Variants in LRBA observed in about 807,000 individuals in gnomAD.
LRBA encodes LPS responsive beige-like anchor protein, also known as lipopolysaccharide-responsive and beige-like anchor protein.
Under a neutral mutation model 330.0 loss-of-function variants are expected in LRBA, and 176 were observed. That is an observed-to-expected ratio of 0.53 (90% confidence interval 0.47 to 0.60). LRBA has a LOEUF of 0.60. LRBA is among the 20% of genes least tolerant of loss of function. The pLI is 0.00. For synonymous variants in LRBA, 1,230 were observed against 1,193.0 expected (o/e 1.03, Z -0.64); for missense variants, 3,259 against 3,444.8 (o/e 0.95, Z 1.35).
At chr4:150,719,512 A>G (rs1278601007) in intron 36 of LRBA, among the ~76,000 whole-genome samples, 1 of 152,136 alleles carries the variant, frequency 6.6e-6, no homozygotes, top group African/African-American at 2.4e-5. Context: ...ACAAAAAATA[A>G]TTTTTAAAAA....
chr4:150,868,065 T>TA (rs567360390), intron 21 of LRBA, 117 bp downstream of exon 21: 54 of 1,132,296 alleles, frequency 4.8e-5, no homozygotes, highest in South Asian at 1.4e-4. Flanking sequence ...ATACTCTTAA[T>TA]AAAAAAAATA....
intron 2 of LRBA, among the ~76,000 whole-genome samples, chr4:150,988,001 CAAA>C (rs545392419): frequency 4.1e-4 from 28 of 68,560 alleles, no homozygotes; most frequent in African/African-American, 1.5e-3. Flanking sequence ...GACTCCGTCT[CAAA>C]AAAAAAAAAA....
chr4:150,567,640 G>T (rs1769305476), intron 40 of LRBA, among the ~76,000 whole-genome samples: 1 of 152,148 alleles, frequency 6.6e-6, no homozygotes, highest in Non-Finnish European at 1.5e-5. Context: ...CAATTAAAGT[G>T]CTTAGCATAG....
chr4:150,417,728 T>G lies in LRBA; in HGVS notation c.7042-2138A>C, dbSNP rs375609539. ...AATTTGAGAGATGCATCATTTCCAT[T>G]GTAAATTAGAGATGCATAATAAAAT... On this transcript the variant is annotated intron_variant, in intron 46 of 56. Transcript: ENST00000651943. Among the ~76,000 whole-genome samples the G allele has an allele frequency of 1.1e-4, 17 of 152,262 alleles. No individual in the cohort carries two copies. The East Asian group carries it at 1.9e-3, about 17-fold the overall frequency.
intron 40 of LRBA, among the ~76,000 whole-genome samples, chr4:150,544,453 G>C (rs1044650114): frequency 6.6e-6 from 1 of 152,000 alleles, no homozygotes; most frequent in African/African-American, 2.4e-5. Flanking sequence ...TTTACCCTAA[G>C]CCTGGAATAC....
rs760964920 is a variant in LRBA, at chr4:150,436,750, A to G, written c.6895T>C (p.Phe2299Leu). The change falls in exon 45 of 57, where the codon TTT becomes CTT. Residue 2299 changes from phenylalanine to leucine, a missense_variant. By Grantham distance (22) the Phe-to-Leu change is conservative (BLOSUM62 0). Coordinates refer to ENST00000651943, the MANE Select transcript of LRBA (RefSeq NM_001364905.1). ...HYGTHYSTAS[F>L]VLAWLLRIEP... ...ATTCTTAGCAGCCATGCAAGAACAA[A>G]ACTTGCAGTTGAGTAATGAGTACCA... The G allele has an allele frequency of 1.4e-5, 23 of 1,612,770 alleles. No homozygotes were observed. Among genetic ancestry groups the G allele is most frequent in the Non-Finnish European group, 1.9e-5 (22 of 1,179,222 alleles).
chr4:150,841,037 T>C (rs139503003), intron 28 of LRBA: 8 of 1,208,178 alleles, frequency 6.6e-6, no homozygotes, highest in Non-Finnish European at 8.6e-6. Context: ...CAGGTTCATA[T>C]GTAATGACTT....
chr4:151,011,118 C>T (rs893040855), intron 2 of LRBA, among the ~76,000 whole-genome samples: 4 of 151,054 alleles, frequency 2.6e-5, no homozygotes, highest in African/African-American at 7.3e-5. Flanking sequence ...ACCCAGGAGG[C>T]GGAGCTTGCA....
At chr4:150,906,894 C>T (rs1225041291) in intron 11 of LRBA, among the ~76,000 whole-genome samples, 2 of 151,906 alleles carry the variant, frequency 1.3e-5, no homozygotes, top group African/African-American at 4.8e-5. Flanking sequence ...GAGCAGAGGG[C>T]ACATGAAGAG....
chr4:150,489,203 ATATT>A (rs1307698840), intron 41 of LRBA, among the ~76,000 whole-genome samples: 6 of 111,864 alleles, frequency 5.4e-5, no homozygotes, highest in African/African-American at 2.3e-4. Flanking sequence ...ATATAAGTAT[ATATT>A]ATATATACGA....
chr4:150,844,713 T>C lies in LRBA; in HGVS notation c.4406A>G (p.Asp1469Gly). Reference protein sequence around the residue: ...QQHSQLKTRGDKALKPMHSLI... With the variant: ...QQHSQLKTRGGKALKPMHSLI... Reference sequence around the variant, plus strand: ...GCTATGCATTGGTTTCAAGGCTTTATCTCCCCTAGTTTTCAGTTGTGAATG... The same window carrying C: ...GCTATGCATTGGTTTCAAGGCTTTACCTCCCCTAGTTTTCAGTTGTGAATG... Residue 1469 changes from aspartate to glycine, a missense_variant, in exon 27 of 57, where the codon GAT (aspartate) becomes GGT (glycine). Transcript: ENST00000651943. 6.2e-7 allele frequency: 1 copy of C among 1,613,262 alleles called. No homozygotes were observed. The highest frequency in any genetic ancestry group is 2.2e-5 in the East Asian group (1 of 44,842).
chr4:150,900,742 T>C (rs987873121), intron 13 of LRBA, among the ~76,000 whole-genome samples: 1 of 152,120 alleles, frequency 6.6e-6, no homozygotes, highest in East Asian at 1.9e-4. Flanking sequence ...CCTTGAAGAA[T>C]ATTAGAAAAA....
At chr4:150,388,242 T>A (rs1309390072) in intron 47 of LRBA, among the ~76,000 whole-genome samples, 2 of 152,214 alleles carry the variant, frequency 1.3e-5, no homozygotes, top group Admixed American at 1.3e-4. Context: ...TTAACCTTAA[T>A]CACTTCCTTA....
intron 39 of LRBA, among the ~76,000 whole-genome samples, chr4:150,589,667 C>T (rs1276673382): frequency 6.6e-6 from 1 of 152,182 alleles, no homozygotes; most frequent in Non-Finnish European, 1.5e-5. Flanking sequence ...TCATTTCTAA[C>T]CCACACCACT....
chr4:150,407,609 T>TA (rs1746382307), intron 47 of LRBA, among the ~76,000 whole-genome samples: 1 of 152,202 alleles, frequency 6.6e-6, no homozygotes, highest in African/African-American at 2.4e-5. Context: ...AGAATTCTCC[T>TA]ATATAGACCC....
chr4:150,389,027 A>T (rs1743489270), intron 47 of LRBA, among the ~76,000 whole-genome samples: 1 of 152,204 alleles, frequency 6.6e-6, no homozygotes, highest in South Asian at 2.1e-4. Flanking sequence ...ATGAAGAAAT[A>T]TAAAAACTAT....
intron 34 of LRBA, among the ~76,000 whole-genome samples, chr4:150,796,779 T>G (rs1740850422): frequency 6.6e-6 from 1 of 151,936 alleles, no homozygotes. Flanking sequence ...AACAATAAAT[T>G]TATATTCTTG....
rs185018123 is a variant in LRBA at position 150,507,841 on chromosome 4, C to T, written c.6331-16806G>A. Among the ~76,000 whole-genome samples the T allele has an allele frequency of 6.3e-3, 958 of 152,046 alleles. 12 individuals carry two copies. The highest frequency in any genetic ancestry group is 0.022 in the African/African-American group (907 of 41,472). ...TGCAACCAACCCAAATGTCCAACAA[C>T]GACAGACTGGGTTAAGAAAACGTGG... On this transcript the variant is annotated intron_variant, in intron 40 of 56. Coordinates refer to ENST00000651943, the MANE Select transcript of LRBA (RefSeq NM_001364905.1).
chr4:150,289,818 A>G (rs1748615875), intron 53 of LRBA, among the ~76,000 whole-genome samples: 1 of 152,204 alleles, frequency 6.6e-6, no homozygotes, highest in Admixed American at 6.5e-5. Context: ...AAATAGTTAC[A>G]CTTCAATATA....
Sources: gnomAD v4.1 joint callset for allele counts (sites outside exome capture counted in the v4.1 genomes callset) on GRCh38, gnomAD v4.1.1 for gene constraint, MANE v1.5 for transcripts, NCBI Gene and HGNC (gene_info 2026-07-23, HGNC 2026-07-21) for gene names.